The following ABCC3 variants were observed in gnomAD, a reference collection of about 807,000 sequenced individuals.
ABCC3 encodes the protein ATP-binding cassette sub-family C member 3.
A neutral mutation model predicts 165.3 loss-of-function variants in ABCC3; 121 were observed. The observed-to-expected ratio is 0.73, with a 90% CI of 0.63 to 0.85. The LOEUF (loss-of-function observed/expected upper bound fraction) is 0.85, where lower values mean the gene tolerates loss of function less well. Ranked by LOEUF, ABCC3 falls within the 40% of genes least tolerant of loss-of-function variation. The pLI is 0.00. For synonymous variants in ABCC3, 733 were observed against 810.1 expected, an observed-to-expected ratio of 0.90 and a Z score of 1.62; for missense variants, 1,869 against 1,964.1, an observed-to-expected ratio of 0.95 and a Z score of 0.92.
At chr17:50,644,171 C>T (rs1014792053) in intron 1 of ABCC3, among the ~76,000 whole-genome samples, 2 of 151,254 alleles carry the variant, frequency 1.3e-5, no homozygotes, top group Admixed American at 6.6e-5. Flanking sequence ...ATTAGCTGGG[C>T]GTGGTGGCGG....
At chr17:50,656,448 T>C (rs531511527) in intron 2 of ABCC3, among the ~76,000 whole-genome samples, 1 of 152,328 alleles carries the variant, frequency 6.6e-6, no homozygotes, top group Admixed American at 6.5e-5. Context: ...CCTGACCTGC[T>C]TGGGGTCATG....
chr17:50,653,360 A>G (rs868809133), intron 1 of ABCC3, among the ~76,000 whole-genome samples: 16 of 150,958 alleles, frequency 1.1e-4, no homozygotes, highest in Middle Eastern at 3.4e-3. Context: ...AAAAAAAAAA[A>G]AAAGAAAAAG....
In ABCC3 at chr17:50,634,981, G is replaced by A. The variant is rs746963392; in HGVS notation, c.45G>A (p.Trp15Ter). 7.9e-7 allele frequency: 1 copy of A among 1,259,122 alleles called. No individual in the cohort carries two copies. The highest frequency in any genetic ancestry group is 4.1e-5 in the Admixed American group (1 of 24,592). 78.0% of individuals were successfully genotyped at this position (1,259,122 alleles called of 1,614,324 possible). The stretch of plus-strand genomic sequence containing the variant: ...CCGGGGAGCTCGGCTCCAAGTTCTG[G>A]GTAAGGCGCGGGGCTCCGGGGTCAC... Reference protein sequence around the residue: ...CGSGELGSKFWDSNLSVHTEN... With the variant: ...CGSGELGSKF The change falls in exon 1 of 31, where the codon TGG becomes TGA. Residue 15 changes from tryptophan (W) to a stop codon, truncating the protein, a stop_gained and splice_region_variant. Coordinates refer to ENST00000285238, the MANE Select transcript of ABCC3 (RefSeq NM_003786.4). LOFTEE classifies it high-confidence loss of function.
rs540849342 is a variant in ABCC3 at position 50,656,875 on chromosome 17, T to C, written c.348+48T>C. 3.2e-6 allele frequency: 5 copies of C among 1,572,078 alleles called. No homozygotes were observed. The African/African-American group carries it at 4.1e-5, about 13-fold the overall frequency. ...GTGGATGGGGGAGGTCTCCATTGGGTTGTGGACTGTGATAGGGAAACTGTG... is the reference window on the plus strand; with the variant it reads ...GTGGATGGGGGAGGTCTCCATTGGGCTGTGGACTGTGATAGGGAAACTGTG... On this transcript the variant is annotated intron_variant, in intron 3 of 30. Coordinates refer to ENST00000285238, the MANE Select transcript of ABCC3 (RefSeq NM_003786.4).
At chr17:50,684,638 C>G in intron 28 of ABCC3, 71 bp from the exon 29 acceptor site, 1 of 1,508,298 alleles carries the variant, frequency 6.6e-7, no homozygotes, top group East Asian at 2.3e-5. Context: ...TCTCTTCTTC[C>G]CTGGACCTGG....
At chr17:50,671,529 A>T (rs1043397904) in intron 17 of ABCC3, among the ~76,000 whole-genome samples, 2 of 151,938 alleles carry the variant, frequency 1.3e-5, no homozygotes, top group Admixed American at 1.3e-4. Flanking sequence ...GTAATTTATA[A>T]AGAAAAGAAA....
rs376917479 is a variant in ABCC3 at position 50,663,827 on chromosome 17, G to C, written c.1145G>C (p.Arg382Pro). The change falls in exon 9 of 31, where the codon CGT (arginine) becomes CCT (proline). Residue 382 changes from arginine (R) to proline (P), a missense_variant. Physicochemically the swap from Arg to Pro is moderately radical, Grantham distance 103. Coordinates refer to ENST00000285238, the MANE Select transcript of ABCC3 (RefSeq NM_003786.4). ...ATCTTTGTGACTGGGGTGAAGTTTC[G>C]TACTGGGATCATGGGTGTCATCTAC... ...HYIFVTGVKF[R>P]TGIMGVIYRK... The C allele has an allele frequency of 8.1e-6, 13 of 1,614,148 alleles. No individual in the cohort carries two copies. The highest frequency in any genetic ancestry group is 3.3e-5 in the Admixed American group (2 of 60,022).
rs57837230 is a variant in ABCC3 at position 50,651,066 on chromosome 17, G to GAAA, written c.46-4749_46-4747dup. On this transcript the variant is annotated intron_variant, in intron 1 of 30. Coordinates refer to ENST00000285238, the MANE Select transcript of ABCC3 (RefSeq NM_003786.4). ...GGTGACAGCGCGAGACTCCATCTCA[G>GAAA]AAAAAAAAAAAAAAAAAAAGAATTC... Among the ~76,000 whole-genome samples, 168 of 84,252 alleles carry GAAA rather than the reference G, an allele frequency of 2.0e-3. 1 individual carries two copies. Among genetic ancestry groups the GAAA allele is most frequent in the Middle Eastern group, 7.2e-3 (1 of 138 alleles). 55.3% of individuals were successfully genotyped at this position (84,252 alleles called of 152,430 possible).
intron 17 of ABCC3, among the ~76,000 whole-genome samples, chr17:50,672,017 C>T (rs957793840): frequency 3.9e-5 from 6 of 152,076 alleles, no homozygotes; most frequent in Middle Eastern, 3.4e-3. Flanking sequence ...CCACCACGCG[C>T]GACCTCAGGT....
At chr17:50,678,843 C>G (rs533477245) in intron 25 of ABCC3, 1 of 152,302 alleles carries the variant, frequency 6.6e-6, no homozygotes, top group Admixed American at 6.5e-5. Flanking sequence ...TAGCTTGAAC[C>G]TGGGAGGCAG....
chr17:50,672,060 A>T (rs1231325609), intron 17 of ABCC3, among the ~76,000 whole-genome samples: 1 of 151,648 alleles, frequency 6.6e-6, no homozygotes, highest in Non-Finnish European at 1.5e-5. Context: ...CACCGGTCCC[A>T]CTCCCCCAGT....
At chr17:50,683,572 TG>T in intron 26 of ABCC3, 37 bp from the exon 27 acceptor site, 1 of 1,504,416 alleles carries the variant, frequency 6.6e-7, no homozygotes, top group Non-Finnish European at 8.9e-7. Flanking sequence ...AGGGCTTCAC[TG>T]GGCAGCTGAT....
In ABCC3 at chr17:50,657,132, G is replaced by A. The variant is rs538270581; in HGVS notation, c.435G>A (p.Val145=). The change falls in exon 4 of 31, where the codon GTG becomes GTA. Residue 145 remains valine (V), a synonymous_variant. Transcript: ENST00000285238. The part of the protein sequence containing the change: ...GVLIIFWFLC[V]VCAIVPFRSK... ...TCATTATCTTCTGGTTCCTGTGTGT[G>A]GTCTGCGCCATCGTCCCATTCCGCT... The A allele has an allele frequency of 1.7e-4, 274 of 1,614,184 alleles. 3 individuals are homozygous for A. The South Asian group carries it at 2.9e-3, about 17-fold the overall frequency.
intron 4 of ABCC3, among the ~76,000 whole-genome samples, chr17:50,657,405 C>G (rs1421798149): frequency 1.3e-5 from 2 of 152,218 alleles, no homozygotes; most frequent in East Asian, 3.8e-4. Context: ...GTTGGACCAT[C>G]ATGTGAGGGT....
At chr17:50,654,893 C>A (rs1467013133) in intron 1 of ABCC3, among the ~76,000 whole-genome samples, 1 of 147,220 alleles carries the variant, frequency 6.8e-6, no homozygotes, top group African/African-American at 2.5e-5. Flanking sequence ...GAGATCGAGA[C>A]CATCCTGGCT....
intron 1 of ABCC3, among the ~76,000 whole-genome samples, chr17:50,638,339 C>T (rs2054198047): frequency 6.6e-6 from 1 of 152,134 alleles, no homozygotes; most frequent in Admixed American, 6.5e-5. Flanking sequence ...ATCTGACAGC[C>T]CCAGGAAGCT....
At position 50,665,206 on chromosome 17, in the gene ABCC3, A is replaced by G. The variant is rs777859978; in HGVS notation, c.1392A>G (p.Pro464=). The G allele has an allele frequency of 6.2e-7, 1 of 1,613,800 alleles. No individual in the cohort carries two copies. Among genetic ancestry groups the G allele is most frequent in the Non-Finnish European group, 8.5e-7 (1 of 1,179,934 alleles). The part of the protein sequence containing the change: ...AGVAFMVLLI[P]LNGAVAVKMR... The stretch of plus-strand genomic sequence containing the variant: ...TCGCTTTCATGGTCTTGCTGATTCC[A>G]CTCAACGGAGCTGTGGCCGTGAAGA... Residue 464 remains proline (P), a synonymous_variant, in exon 11 of 31, where the codon CCA becomes CCG. Transcript: ENST00000285238.
intron 6 of ABCC3, 136 bp from the exon 7 acceptor site, chr17:50,659,101 C>A: frequency 1.9e-6 from 2 of 1,046,998 alleles, no homozygotes; most frequent in Non-Finnish European, 2.8e-6. Context: ...GAAGGAGACA[C>A]CTTTCATGGT....
intron 8 of ABCC3, among the ~76,000 whole-genome samples, chr17:50,662,970 G>C (rs951145388): frequency 1.3e-5 from 2 of 152,098 alleles, no homozygotes; most frequent in Admixed American, 1.3e-4. Context: ...AGCGCAGCAA[G>C]TTCCTGAGGA....
Sources: allele counts gnomAD v4.1 joint callset (sites outside exome capture counted in the v4.1 genomes callset), GRCh38; gene constraint gnomAD v4.1.1; transcripts MANE v1.5; gene names NCBI Gene and HGNC (gene_info 2026-07-23, HGNC 2026-07-21).